FFAR4: variants seen among roughly 807,000 people sequenced by gnomAD.
FFAR4 encodes the protein G-protein coupled receptor 120.
Under a neutral mutation model 27.0 loss-of-function variants are expected in FFAR4, and 19 were observed. The observed-to-expected ratio is 0.70, with a 90% CI of 0.49 to 1.03. The LOEUF (loss-of-function observed/expected upper bound fraction) is 1.03. Ranked by LOEUF, FFAR4 falls within the 50% of genes least tolerant of loss-of-function variation. The pLI, the probability that FFAR4 is intolerant of heterozygous loss-of-function variation, is 0.00. For synonymous variants in FFAR4, 254 were observed against 215.6 expected (o/e 1.18, Z -1.56); for missense variants, 476 against 479.0 (o/e 0.99, Z 0.06).
chr10:93,584,110 C>T (rs960543014), intron 2 of FFAR4, among the ~76,000 whole-genome samples: 6 of 152,224 alleles, frequency 3.9e-5, no homozygotes, highest in African/African-American at 1.4e-4. Context: ...GATCTAACAG[C>T]CAAGGCAGCT....
chr10:93,574,901 G>GA (rs1445081832), intron 1 of FFAR4, among the ~76,000 whole-genome samples: 21 of 151,708 alleles, frequency 1.4e-4, no homozygotes, highest in East Asian at 5.8e-4. Context: ...CTGTCTCAAA[G>GA]AAAAAAAACA....
At chr10:93,575,975 A>G in intron 1 of FFAR4, 116 bp from the exon 2 acceptor site, 2 of 955,404 alleles carry the variant, frequency 2.1e-6, no homozygotes, top group East Asian at 2.4e-5. Context: ...CTGTCATGCT[A>G]GTTGTGTAAC....
In FFAR4 at chr10:93,587,691, A is replaced by T; in HGVS notation, c.*82A>T. 7.5e-7 allele frequency: 1 copy of T among 1,327,148 alleles called. No homozygotes were observed. The highest frequency in any genetic ancestry group is 1.0e-6 in the Non-Finnish European group (1 of 964,056). 82.2% of individuals were successfully genotyped at this position (1,327,148 alleles called of 1,614,324 possible). On this transcript the variant is annotated 3_prime_UTR_variant, in exon 3 of 3. Coordinates refer to ENST00000371481, the MANE Select transcript of FFAR4 (RefSeq NM_001195755.2). ...GAGTTCATTTCCAGTACCCTCCATC[A>T]GTGCACCCTGCTTTAAGAAAATGAA...
chr10:93,567,769 A>G (rs2058107445), intron 1 of FFAR4, among the ~76,000 whole-genome samples: 1 of 152,154 alleles, frequency 6.6e-6, no homozygotes, highest in Admixed American at 6.5e-5. Context: ...CCGTAATTCA[A>G]GGAGGAGTTG....
At chr10:93,579,068 T>A in intron 2 of FFAR4, 2 of 1,149,504 alleles carry the variant, frequency 1.7e-6, no homozygotes, top group East Asian at 2.3e-5. Flanking sequence ...GGGGCAGCTG[T>A]CCTTTTAGCC....
intron 2 of FFAR4, among the ~76,000 whole-genome samples, chr10:93,580,373 T>G (rs1467463513): frequency 6.6e-6 from 1 of 152,218 alleles, no homozygotes; most frequent in Non-Finnish European, 1.5e-5. Flanking sequence ...AACCCAGGTC[T>G]CATCTCCAGG....
At chr10:93,583,876 A>G (rs2134555448) in intron 2 of FFAR4, among the ~76,000 whole-genome samples, 1 of 152,224 alleles carries the variant, frequency 6.6e-6, no homozygotes, top group African/African-American at 2.4e-5. Flanking sequence ...CATCAACATC[A>G]CTCATCAAAA....
In FFAR4 at chr10:93,579,367, G is replaced by A. The variant is rs536541406; in HGVS notation, c.696+3148G>A. ...CACATTGGCCTTGAGGCTGTACTGC[G>A]CACTGGCCACCATACTGCTGCCCCA... On this transcript the variant is annotated intron_variant, in intron 2 of 2. Coordinates refer to ENST00000371481, the MANE Select transcript of FFAR4 (RefSeq NM_001195755.2). Among the ~76,000 whole-genome samples the A allele has an allele frequency of 5.8e-4, 89 of 152,164 alleles. 2 individuals carry two copies. Among genetic ancestry groups the A allele is most frequent in the East Asian group, 2.3e-3 (12 of 5,160 alleles).
At chr10:93,574,290 A>G (rs993906552) in intron 1 of FFAR4, among the ~76,000 whole-genome samples, 1 of 152,194 alleles carries the variant, frequency 6.6e-6, no homozygotes, top group African/African-American at 2.4e-5. Flanking sequence ...TTTGGCAGAC[A>G]TTCTGGAAAA....
chr10:93,589,629 T>G lies in FFAR4; in HGVS notation c.*2020T>G. 6.6e-6 allele frequency: 1 copy of G among 151,736 alleles called. No individual in the cohort carries two copies. The highest frequency in any genetic ancestry group is 2.1e-4 in the South Asian group (1 of 4,786). The allele number at this position is 151,736 out of a possible 1,614,324, so 9.4% of individuals were successfully genotyped here. On this transcript the variant is annotated 3_prime_UTR_variant, in exon 3 of 3. Coordinates refer to ENST00000371481, the MANE Select transcript of FFAR4 (RefSeq NM_001195755.2). The stretch of plus-strand genomic sequence containing the variant: ...GGGGGGGGGGAGCCAAGAGTTTCAT[T>G]TGGAGCTCATCAGTTTGAAATCTCA...
chr10:93,586,756 G>A (rs1315718670), intron 2 of FFAR4, among the ~76,000 whole-genome samples: 1 of 152,166 alleles, frequency 6.6e-6, no homozygotes, highest in African/African-American at 2.4e-5. Flanking sequence ...ATTGTGTGTG[G>A]CAGTGGTGCA....
chr10:93,575,562 C>A (rs752216579), intron 1 of FFAR4, among the ~76,000 whole-genome samples: 3 of 152,212 alleles, frequency 2.0e-5, no homozygotes, highest in Non-Finnish European at 4.4e-5. Context: ...GCTCGACACA[C>A]TTTAGACACC....
intron 1 of FFAR4, among the ~76,000 whole-genome samples, chr10:93,571,368 A>G (rs1721560613): frequency 6.6e-6 from 1 of 152,214 alleles, no homozygotes; most frequent in African/African-American, 2.4e-5. Context: ...CTCTTCAAGG[A>G]GAAGCACACA....
chr10:93,566,926 G>T lies in FFAR4; in HGVS notation c.206G>T (p.Arg69Leu). The T allele has an allele frequency of 6.2e-7, 1 of 1,609,770 alleles. No homozygotes were observed. Among genetic ancestry groups the T allele is most frequent in the Non-Finnish European group, 8.5e-7 (1 of 1,179,154 alleles). Residue 69 changes from arginine (R) to leucine (L), a missense_variant, in exon 1 of 3, where the codon CGA becomes CTA. Coordinates refer to ENST00000371481, the MANE Select transcript of FFAR4 (RefSeq NM_001195755.2). ...VCALVLVARR[R>L]RRGATACLVL... ...GCCCTGGTGCTGGTGGCGCGCCGAC[G>T]ACGCCGCGGCGCGACTGCCTGCCTG... is the stretch of plus-strand genomic sequence containing the variant.
chr10:93,584,927 C>T (rs948749115), intron 2 of FFAR4, among the ~76,000 whole-genome samples: 4 of 152,034 alleles, frequency 2.6e-5, no homozygotes, highest in African/African-American at 7.2e-5. Context: ...AGGGTTGTCT[C>T]GAACCCCTGA....
At chr10:93,587,137 A>G (rs1320835030) in intron 2 of FFAR4, 83 bp from the exon 3 acceptor site, 4 of 1,243,638 alleles carry the variant, frequency 3.2e-6, no homozygotes, top group East Asian at 4.7e-5. Context: ...GGGATAGCAG[A>G]TTCCAACTCT....
At chr10:93,571,823 G>A (rs541885326) in intron 1 of FFAR4, among the ~76,000 whole-genome samples, 1 of 152,314 alleles carries the variant, frequency 6.6e-6, no homozygotes, top group South Asian at 2.1e-4. Flanking sequence ...AGTCTTCCAT[G>A]TTGATGGCAG....
At chr10:93,575,015 T>A (rs1209152897) in intron 1 of FFAR4, among the ~76,000 whole-genome samples, 1 of 152,250 alleles carries the variant, frequency 6.6e-6, no homozygotes. Flanking sequence ...CTGCTAAAAA[T>A]TCTCTGCTTT....
intron 2 of FFAR4, among the ~76,000 whole-genome samples, chr10:93,583,272 C>T (rs1304454089): frequency 4.7e-5 from 7 of 149,176 alleles, no homozygotes; most frequent in Non-Finnish European, 7.4e-5. Flanking sequence ...AAAAATTAGC[C>T]GGGCGTGATG....
Sources: gnomAD v4.1 joint callset for allele counts (sites outside exome capture counted in the v4.1 genomes callset) on GRCh38, gnomAD v4.1.1 for gene constraint, MANE v1.5 for transcripts, NCBI Gene and HGNC (gene_info 2026-07-23, HGNC 2026-07-21) for gene names.